Variants in MDGA2 observed in about 807,000 individuals in gnomAD.
The protein encoded by MDGA2 is MAM domain containing glycosylphosphatidylinositol anchor 2.
MDGA2 carries 40 observed loss-of-function variants against 117.8 expected under a neutral mutation model. The ratio of observed to expected loss-of-function variants is 0.34; its 90% CI spans 0.26 to 0.44. The LOEUF (loss-of-function observed/expected upper bound fraction) is 0.44. Among genes scored for constraint, MDGA2 ranks in the 20% least tolerant of loss-of-function variants. MDGA2 has a pLI of 1.00. For synonymous variants in MDGA2, 452 were observed against 439.0 expected, an observed-to-expected ratio of 1.03 and a Z score of -0.37; for missense variants, 1,123 against 1,250.6, an observed-to-expected ratio of 0.90 and a Z score of 1.54.
Position 47,423,001 on chromosome 14 carries a change from T to C in MDGA2, c.281-121451A>G, listed in dbSNP as rs556355031. On this transcript the variant is annotated intron_variant, in intron 1 of 16. Coordinates refer to ENST00000399232, the MANE Select transcript of MDGA2 (RefSeq NM_001113498.3). ...AAACGATTATTAATTTCCTTTTTCC[T>C]ACCCATAATTAAATAACCAGTTGTT... Among the ~76,000 whole-genome samples, 35 of 152,330 alleles carry C rather than the reference T, an allele frequency of 2.3e-4. No homozygotes were observed. The South Asian group carries it at 6.4e-3, about 28-fold the overall frequency.
At chr14:47,088,897 A>G (rs78305054) in intron 6 of MDGA2, among the ~76,000 whole-genome samples, 2,649 of 152,290 alleles carry the variant, frequency 0.017, 61 homozygotes, top group African/African-American at 0.061. Flanking sequence ...AAATATAATG[A>G]TATTTAGAAA....
At chr14:47,674,411 G>A in intron 1 of MDGA2, 106 bp downstream of exon 1, 1 of 918,910 alleles carries the variant, frequency 1.1e-6, no homozygotes, top group South Asian at 1.5e-5. Flanking sequence ...TAAATCAAAT[G>A]CCACGCCGGG....
At chr14:47,279,035 T>C (rs1311644967) in intron 2 of MDGA2, among the ~76,000 whole-genome samples, 1 of 152,208 alleles carries the variant, frequency 6.6e-6, no homozygotes, top group Non-Finnish European at 1.5e-5. Flanking sequence ...ATTAGGTTGC[T>C]AGTATATAAT....
intron 9 of MDGA2, among the ~76,000 whole-genome samples, chr14:46,922,090 A>G (rs1321018346): frequency 6.6e-6 from 1 of 152,134 alleles, no homozygotes; most frequent in African/African-American, 2.4e-5. Context: ...TTTTTTTAGC[A>G]TGGATAAAAA....
chr14:46,870,435 G>C (rs1454105897), intron 14 of MDGA2, among the ~76,000 whole-genome samples: 2 of 151,960 alleles, frequency 1.3e-5, no homozygotes, highest in African/African-American at 4.8e-5. Flanking sequence ...TGAGTTTACA[G>C]ATGAATGAAA....
At chr14:47,053,911 C>T (rs576618473) in intron 7 of MDGA2, among the ~76,000 whole-genome samples, 1 of 151,874 alleles carries the variant, frequency 6.6e-6, no homozygotes, top group East Asian at 1.9e-4. Flanking sequence ...CCAGCTGATC[C>T]CATAATTCTA....
At chr14:46,931,569 C>G (rs953461710) in intron 9 of MDGA2, among the ~76,000 whole-genome samples, 1 of 141,944 alleles carries the variant, frequency 7.0e-6, no homozygotes, top group African/African-American at 2.7e-5. Flanking sequence ...GTCACCCAGG[C>G]TGGATTGCAG....
At chr14:47,047,156 A>G (rs1889295461) in intron 7 of MDGA2, among the ~76,000 whole-genome samples, 1 of 152,146 alleles carries the variant, frequency 6.6e-6, no homozygotes, top group Admixed American at 6.6e-5. Context: ...CACAAGAAGT[A>G]AGGCTTCTTG....
intron 1 of MDGA2, among the ~76,000 whole-genome samples, chr14:47,319,741 C>T (rs914646822): frequency 6.6e-6 from 1 of 152,108 alleles, no homozygotes; most frequent in Non-Finnish European, 1.5e-5. Context: ...GAGAAACATA[C>T]TTTAAAGATT....
At chr14:47,129,088 G>GT (rs71112485) in intron 5 of MDGA2, among the ~76,000 whole-genome samples, 13,738 of 147,588 alleles carry the variant, frequency 0.093, 659 homozygotes, top group Middle Eastern at 0.2. Flanking sequence ...GCATTCTCTA[G>GT]TTTTTTTTTT....
chr14:47,488,017 G>A (rs1002120531), intron 1 of MDGA2, among the ~76,000 whole-genome samples: 2 of 152,098 alleles, frequency 1.3e-5, no homozygotes, highest in African/African-American at 4.8e-5. Flanking sequence ...AATGCAGGCT[G>A]TCTTGTAGGA....
At chr14:47,213,402 G>A (rs566977907) in intron 3 of MDGA2, among the ~76,000 whole-genome samples, 1 of 152,216 alleles carries the variant, frequency 6.6e-6, no homozygotes, top group South Asian at 2.1e-4. Flanking sequence ...TTTTGAAGTT[G>A]CATGCTGATA....
chr14:46,867,640 TC>T (rs1881829176), intron 14 of MDGA2, among the ~76,000 whole-genome samples: 1 of 152,096 alleles, frequency 6.6e-6, no homozygotes, highest in Admixed American at 6.6e-5. Flanking sequence ...ACATACCTGG[TC>T]CTTAATATTT....
chr14:47,040,885 T>C (rs1055769755), intron 7 of MDGA2, among the ~76,000 whole-genome samples: 5 of 152,186 alleles, frequency 3.3e-5, no homozygotes, highest in African/African-American at 1.2e-4. Flanking sequence ...TAAAGTCTAG[T>C]GTCTTGCTTT....
In MDGA2 at chr14:47,540,540, G is replaced by GTGTGTGTGTGTGTGTGTGTA; in HGVS notation, c.280+133976_280+133977insTACACACACACACACACACA. On this transcript the variant is annotated intron_variant, in intron 1 of 16. Coordinates refer to ENST00000399232, the MANE Select transcript of MDGA2 (RefSeq NM_001113498.3). ...TGTATATGTGTGTGTGTGTGTGTGT[G>GTGTGTGTGTGTGTGTGTGTA]TATATATATATATGTATATATATAC... Among the ~76,000 whole-genome samples, 3 of 79,218 alleles carry GTGTGTGTGTGTGTGTGTGTA rather than the reference G, an allele frequency of 3.8e-5. No individual in the cohort carries two copies. In the South Asian group the frequency reaches 1.9e-3, roughly 50 times the overall value. 52.0% of individuals were successfully genotyped at this position (79,218 alleles called of 152,430 possible). A position where few individuals can be genotyped will look rare whatever the true frequency, so the allele number is the denominator to read the frequency against.
rs1566621879 is a variant in MDGA2 at position 47,097,105 on chromosome 14, A to T, written c.944T>A (p.Leu315His). Residue 315 changes from leucine to histidine, a missense_variant, in exon 6 of 17, where the codon CTC (leucine) becomes CAC (histidine). By Grantham distance (99) the Leu-to-His change is moderately conservative. Transcript: ENST00000399232. ...SNKTASPSIKLLVDDPIVVNP... is the reference protein window; with the variant it reads ...SNKTASPSIKHLVDDPIVVNP... ...TACAACTATAGGATCATCCACCAAG[A>T]GTTTAATTGACGGTGATGCTAAAAG... 1.2e-6 allele frequency: 2 copies of T among 1,612,574 alleles called. No homozygotes were observed. The highest frequency in any genetic ancestry group is 1.7e-6 in the Non-Finnish European group (2 of 1,178,884).
chr14:47,046,167 A>C (rs1216596568), intron 7 of MDGA2, among the ~76,000 whole-genome samples: 1 of 97,370 alleles, frequency 1.0e-5, no homozygotes, highest in Non-Finnish European at 2.3e-5. Flanking sequence ...AATAATAATA[A>C]AGTAAATAAA....
chr14:47,353,577 A>C (rs1021716803), intron 1 of MDGA2, among the ~76,000 whole-genome samples: 5 of 152,296 alleles, frequency 3.3e-5, no homozygotes, highest in South Asian at 2.1e-4. Flanking sequence ...GTACGAAGGA[A>C]TCTGAATCCA....
intron 14 of MDGA2, among the ~76,000 whole-genome samples, chr14:46,858,428 CTTTTTTTT>C (rs71112466): frequency 1.3e-3 from 163 of 123,800 alleles, no homozygotes; most frequent in East Asian, 4.1e-3. Flanking sequence ...TTCTTTTTTT[CTTTTTTTT>C]TTTTTTTTTG....
Sources: allele counts gnomAD v4.1 joint callset (sites outside exome capture counted in the v4.1 genomes callset), GRCh38; gene constraint gnomAD v4.1.1; transcripts MANE v1.5; gene names NCBI Gene and HGNC (gene_info 2026-07-23, HGNC 2026-07-21).